The following TENM2 variants were observed in gnomAD, a reference collection of about 807,000 sequenced individuals.
The protein encoded by TENM2 is teneurin transmembrane protein 2.
In TENM2, 52 loss-of-function variants were observed where a neutral mutation model predicts 245.2. The ratio of observed to expected loss-of-function variants is 0.21; its 90% CI spans 0.17 to 0.27. The LOEUF (loss-of-function observed/expected upper bound fraction) is 0.27. Ranked by LOEUF, TENM2 falls within the 10% of genes least tolerant of loss-of-function variation. The pLI is 1.00. For synonymous variants in TENM2, 1,363 were observed against 1,438.9 expected (o/e 0.95, Z 1.19); for missense variants, 3,046 against 3,666.8 (o/e 0.83, Z 4.37).
At chr5:167,743,577 T>C (rs1385998124) in intron 2 of TENM2, among the ~76,000 whole-genome samples, 2 of 152,134 alleles carry the variant, frequency 1.3e-5, no homozygotes, top group African/African-American at 4.8e-5. Flanking sequence ...GAGAACACAA[T>C]ATGCAATGGC....
At position 168,050,560 on chromosome 5, in the gene TENM2, C is replaced by G. The variant is rs187971652; in HGVS notation, c.1309+3011C>G. Among the ~76,000 whole-genome samples the G allele has an allele frequency of 2.6e-5, 4 of 152,336 alleles. No homozygotes were observed. The East Asian group carries it at 5.8e-4, about 22-fold the overall frequency. On this transcript the variant is annotated intron_variant, in intron 6 of 28. Coordinates refer to ENST00000518659, the Ensembl canonical transcript of TENM2. ...CACACATTGCCAAGGAGGATAATCT[C>G]ATTAAGCAATTACTGGATAAGTATC...
At chr5:167,251,403 A>G in the TENM2 span, among the ~76,000 whole-genome samples, 1 of 152,164 alleles carries the variant, frequency 6.6e-6, no homozygotes, top group Non-Finnish European at 1.5e-5. Context: ...AACAATGAAG[A>G]TACAAGCTAA....
At chr5:167,106,256 G>A in the TENM2 span, among the ~76,000 whole-genome samples, 1 of 152,158 alleles carries the variant, frequency 6.6e-6, no homozygotes, top group Non-Finnish European at 1.5e-5. Context: ...TTTTGTGGAA[G>A]AGTAAACTGA....
At chr5:167,872,485 A>C (rs1192353425) in intron 2 of TENM2, among the ~76,000 whole-genome samples, 1 of 15,590 alleles carries the variant, frequency 6.4e-5, no homozygotes, top group South Asian at 0.018. Context: ...AAAGAAAGAA[A>C]AAGAAAGAAA....
At chr5:167,817,017 C>T (rs1405457459) in intron 2 of TENM2, among the ~76,000 whole-genome samples, 1 of 152,148 alleles carries the variant, frequency 6.6e-6, no homozygotes, top group Admixed American at 6.5e-5. Flanking sequence ...CTTGTTACAA[C>T]TTGATTTGGT....
At chr5:167,602,675 T>A (rs1433187988) in intron 2 of TENM2, among the ~76,000 whole-genome samples, 1 of 152,192 alleles carries the variant, frequency 6.6e-6, no homozygotes, top group East Asian at 1.9e-4. Context: ...ATAAATGTTA[T>A]ATAGATGATG....
chr5:167,850,077 G>A (rs1344574941), intron 2 of TENM2, among the ~76,000 whole-genome samples: 2 of 152,106 alleles, frequency 1.3e-5, no homozygotes, highest in African/African-American at 4.8e-5. Context: ...TCATGCCTTG[G>A]TCTTCTGGTG....
At chr5:167,147,518 CTTATTTTTTAAGATGTATATA>C in the TENM2 span, among the ~76,000 whole-genome samples, 3 of 152,058 alleles carry the variant, frequency 2.0e-5, no homozygotes, top group Non-Finnish European at 4.4e-5. Context: ...TTAAAAAATT[CTTATTTTTTAAGATGTATATA>C]GGTGGCCAAA....
At chr5:167,850,964 T>A (rs2151208027) in intron 2 of TENM2, among the ~76,000 whole-genome samples, 1 of 152,322 alleles carries the variant, frequency 6.6e-6, no homozygotes, top group Admixed American at 6.5e-5. Context: ...CTGTAATCTT[T>A]CCCACCTAGT....
At chr5:167,468,933 C>G (rs1378746765) in intron 2 of TENM2, among the ~76,000 whole-genome samples, 1 of 152,138 alleles carries the variant, frequency 6.6e-6, no homozygotes, top group Non-Finnish European at 1.5e-5. Flanking sequence ...GAAGGTCTAC[C>G]TTTCCCATGT....
intron 7 of TENM2, among the ~76,000 whole-genome samples, chr5:168,090,055 G>A (rs1792789450): frequency 6.6e-6 from 1 of 152,082 alleles, no homozygotes; most frequent in African/African-American, 2.4e-5. Context: ...TAAAATGGTA[G>A]CTGGTAACAT....
At chr5:166,982,426 T>C in the TENM2 span, among the ~76,000 whole-genome samples, 1 of 152,158 alleles carries the variant, frequency 6.6e-6, no homozygotes, top group Non-Finnish European at 1.5e-5. Flanking sequence ...TTTGGCTAGT[T>C]TTTTTCATTG....
At chr5:167,123,610 T>A in the TENM2 span, among the ~76,000 whole-genome samples, 1 of 152,200 alleles carries the variant, frequency 6.6e-6, no homozygotes, top group South Asian at 2.1e-4. Context: ...GGGTAGGATA[T>A]GTTTAGGAAA....
chr5:167,824,042 G>A (rs747168526), intron 2 of TENM2, among the ~76,000 whole-genome samples: 12 of 152,064 alleles, frequency 7.9e-5, no homozygotes, highest in African/African-American at 1.2e-4. Flanking sequence ...CCTTCTCCCC[G>A]GGGAACTGAG....
chr5:167,067,606 A>T, the TENM2 span, among the ~76,000 whole-genome samples: 1 of 152,114 alleles, frequency 6.6e-6, no homozygotes, highest in African/African-American at 2.4e-5. Context: ...ATATAAGAAA[A>T]CCAAGGTGTG....
At chr5:167,413,463 A>G (rs1763011482) in intron 2 of TENM2, among the ~76,000 whole-genome samples, 1 of 152,104 alleles carries the variant, frequency 6.6e-6, no homozygotes, top group African/African-American at 2.4e-5. Flanking sequence ...AATTTGTGAC[A>G]CCTTGCTATT....
the TENM2 span, among the ~76,000 whole-genome samples, chr5:167,107,401 T>C: frequency 6.6e-6 from 1 of 152,206 alleles, no homozygotes; most frequent in African/African-American, 2.4e-5. Flanking sequence ...AATGTGACTA[T>C]AGGATCAATA....
the TENM2 span, among the ~76,000 whole-genome samples, chr5:167,132,288 A>G: frequency 6.6e-6 from 1 of 152,130 alleles, no homozygotes; most frequent in African/African-American, 2.4e-5. Context: ...CTCCAGCATC[A>G]CATAGACTCT....
intron 2 of TENM2, among the ~76,000 whole-genome samples, chr5:167,576,363 G>T (rs13160227): frequency 6.6e-6 from 1 of 150,434 alleles, no homozygotes; most frequent in Non-Finnish European, 1.5e-5. Flanking sequence ...AAAAAGAAAT[G>T]CAGTAGACTT....
Sources: gnomAD v4.1 joint callset for allele counts (sites outside exome capture counted in the v4.1 genomes callset) on GRCh38, gnomAD v4.1.1 for gene constraint, MANE v1.5 for transcripts, NCBI Gene and HGNC (gene_info 2026-07-23, HGNC 2026-07-21) for gene names.